OR2L13: variants seen among roughly 807,000 people sequenced by gnomAD.
OR2L13 encodes the protein olfactory receptor 2L13.
Under a neutral mutation model 15.3 loss-of-function variants are expected in OR2L13, and 14 were observed. The ratio of observed to expected loss-of-function variants is 0.91; its 90% confidence interval spans 0.60 to 1.43. OR2L13 has a LOEUF of 1.43. OR2L13 is among the 40% of genes most tolerant of loss of function. The pLI is 0.00. For synonymous variants in OR2L13, 152 were observed against 142.9 expected (o/e 1.06, Z -0.45); for missense variants, 367 against 387.9 (o/e 0.95, Z 0.45).
chr1:248,099,513 C>T (rs1433303770), exon 3 of OR2L13: 66 of 1,613,938 alleles, frequency 4.1e-5, no homozygotes, highest in Middle Eastern at 3.3e-4. Flanking sequence ...CCATGATTCA[C>T]CTCATCCACG....
the OR2L13 span, among the ~76,000 whole-genome samples, chr1:247,967,401 G>A: frequency 2.4e-3 from 359 of 152,050 alleles, 1 homozygote; most frequent in African/African-American, 8.4e-3. Flanking sequence ...GCTAATTTTT[G>A]TATTTTTAGT....
At chr1:248,070,026 G>A in the OR2L13 span, among the ~76,000 whole-genome samples, 6 of 151,770 alleles carry the variant, frequency 4.0e-5, no homozygotes, top group Non-Finnish European at 8.8e-5. Flanking sequence ...AATAATAATG[G>A]GAGACTTTAA....
the OR2L13 span, among the ~76,000 whole-genome samples, chr1:248,014,898 C>T: frequency 6.6e-6 from 1 of 152,136 alleles, no homozygotes; most frequent in Admixed American, 6.6e-5. Context: ...GAGTCTCTTT[C>T]CCATGAACTT....
chr1:248,016,447 A>G, the OR2L13 span, among the ~76,000 whole-genome samples: 1 of 152,200 alleles, frequency 6.6e-6, no homozygotes, highest in Non-Finnish European at 1.5e-5. Context: ...CAAGGAAAGT[A>G]CAATAAAACC....
chr1:247,969,997 A>G, the OR2L13 span, among the ~76,000 whole-genome samples: 11,575 of 152,254 alleles, frequency 0.076, 961 homozygotes, highest in African/African-American at 0.21. Flanking sequence ...CCTATGCAGA[A>G]CTATACTTCA....
the OR2L13 span, among the ~76,000 whole-genome samples, chr1:248,013,998 A>C: frequency 6.6e-6 from 1 of 152,144 alleles, no homozygotes; most frequent in Non-Finnish European, 1.5e-5. Flanking sequence ...GCTAAATTAT[A>C]TTAAACTATG....
At chr1:247,994,477 C>G in the OR2L13 span, among the ~76,000 whole-genome samples, 1 of 152,174 alleles carries the variant, frequency 6.6e-6, no homozygotes, top group Non-Finnish European at 1.5e-5. Context: ...GGTTTCTCTT[C>G]TTTCTGTCCT....
the OR2L13 span, among the ~76,000 whole-genome samples, chr1:247,950,825 C>T: frequency 1.3e-5 from 2 of 151,814 alleles, no homozygotes; most frequent in Admixed American, 6.6e-5. Context: ...CGAATAAGAG[C>T]CAGTATGTGG....
chr1:248,044,029 G>A, the OR2L13 span, among the ~76,000 whole-genome samples: 5 of 152,078 alleles, frequency 3.3e-5, no homozygotes, highest in Non-Finnish European at 5.9e-5. Context: ...TGTTTCCTTA[G>A]CCGTAAACAT....
chr1:248,073,415 G>A, the OR2L13 span, among the ~76,000 whole-genome samples: 1 of 150,020 alleles, frequency 6.7e-6, no homozygotes, highest in Admixed American at 6.7e-5. Context: ...TCAAAGGTGG[G>A]AATTGAACAT....
At chr1:247,964,132 C>T in the OR2L13 span, among the ~76,000 whole-genome samples, 3 of 152,170 alleles carry the variant, frequency 2.0e-5, no homozygotes, top group Non-Finnish European at 2.9e-5. Context: ...AAACAGTGTA[C>T]ATTAATTTTA....
At chr1:248,099,217 T>G (rs1664794664) in intron 2 of OR2L13, 141 bp from the exon 3 acceptor site, 5 of 607,468 alleles carry the variant, frequency 8.2e-6, no homozygotes, top group Non-Finnish European at 1.5e-5. Flanking sequence ...ATATAGAAAT[T>G]GATTAAAAAA....
chr1:247,938,726 C>T, the OR2L13 span, among the ~76,000 whole-genome samples: 3 of 152,110 alleles, frequency 2.0e-5, no homozygotes, highest in Non-Finnish European at 2.9e-5. Context: ...ATGGTTCAAT[C>T]AGTGTGGGAT....
chr1:248,070,285 A>G, the OR2L13 span, among the ~76,000 whole-genome samples: 1 of 152,142 alleles, frequency 6.6e-6, no homozygotes, highest in African/African-American at 2.4e-5. Context: ...CTCTCAGACC[A>G]CAGTGCAATC....
the OR2L13 span, among the ~76,000 whole-genome samples, chr1:247,959,597 G>C: frequency 0.012 from 1,885 of 151,556 alleles, 8 homozygotes; most frequent in Non-Finnish European, 0.017. Context: ...ATGTAGATTT[G>C]GTCTTTTCAC....
chr1:248,022,560 T>A, the OR2L13 span: 1 of 1,614,210 alleles, frequency 6.2e-7, no homozygotes, highest in Admixed American at 1.7e-5. Context: ...CAGCACCATC[T>A]TTCTTGTGTT....
At chr1:248,096,796 T>C (rs1296883874), upstream of OR2L13, among the ~76,000 whole-genome samples, 1 of 152,228 alleles carries the variant, frequency 6.6e-6, no homozygotes, top group East Asian at 1.9e-4. Flanking sequence ...GTTTTTTAAC[T>C]CTATAAATTT....
At chr1:248,074,759 C>T in the OR2L13 span, among the ~76,000 whole-genome samples, 1 of 152,008 alleles carries the variant, frequency 6.6e-6, no homozygotes, top group Admixed American at 6.6e-5. Flanking sequence ...GAATTTGTAC[C>T]CCAAAGCTCA....
chr1:248,073,957 G>T, the OR2L13 span, among the ~76,000 whole-genome samples: 1 of 151,616 alleles, frequency 6.6e-6, no homozygotes, highest in African/African-American at 2.4e-5. Flanking sequence ...CATAAGAAAA[G>T]CCCACTAATT....
Sources: allele counts gnomAD v4.1 joint callset (sites outside exome capture counted in the v4.1 genomes callset), GRCh38; gene constraint gnomAD v4.1.1; transcripts MANE v1.5; gene names NCBI Gene and HGNC (gene_info 2026-07-23, HGNC 2026-07-21).